HERC6: variants seen among roughly 807,000 people sequenced by gnomAD.
The protein encoded by HERC6 is probable E3 ubiquitin-protein ligase HERC6.
A neutral mutation model predicts 114.5 loss-of-function variants in HERC6; 101 were observed. The observed-to-expected ratio is 0.88, with a 90% CI of 0.75 to 1.04. The LOEUF (loss-of-function observed/expected upper bound fraction) is 1.04. Among genes scored for constraint, HERC6 ranks in the 50% least tolerant of loss-of-function variants. HERC6 has a pLI of 0.00. For missense variants in HERC6, 1,133 were observed against 1,230.9 expected, an observed-to-expected ratio of 0.92 and a Z score of 1.19; for synonymous variants, 408 against 436.2, an observed-to-expected ratio of 0.94 and a Z score of 0.81.
chr4:88,401,232 C>T (rs1456286613), intron 8 of HERC6, among the ~76,000 whole-genome samples: 2 of 152,208 alleles, frequency 1.3e-5, no homozygotes, highest in African/African-American at 4.8e-5. Context: ...TGGTGGCTCA[C>T]GCCTGTAATC....
intron 10 of HERC6, 49 bp from the exon 11 acceptor site, chr4:88,408,475 A>T: frequency 1.7e-6 from 2 of 1,147,674 alleles, no homozygotes; most frequent in Non-Finnish European, 2.6e-6. Context: ...CTTTAGAAAT[A>T]TCCCTTTCCT....
chr4:88,406,186 G>A (rs1251222064), intron 10 of HERC6, among the ~76,000 whole-genome samples: 2 of 152,276 alleles, frequency 1.3e-5, no homozygotes, highest in Non-Finnish European at 1.5e-5. Context: ...AAATAGCAGT[G>A]TAGAGGGTCT....
At chr4:88,438,418 A>AT (rs1738987256) in intron 20 of HERC6, among the ~76,000 whole-genome samples, 1 of 152,104 alleles carries the variant, frequency 6.6e-6, no homozygotes, top group Non-Finnish European at 1.5e-5. Flanking sequence ...AATCATTATT[A>AT]TTTTTAATAG....
intron 3 of HERC6, among the ~76,000 whole-genome samples, chr4:88,387,318 G>A (rs1734634381): frequency 6.6e-6 from 1 of 152,164 alleles, no homozygotes; most frequent in South Asian, 2.1e-4. Context: ...GAGTGCTCGA[G>A]CTCAGGAGTT....
At position 88,379,012 on chromosome 4, in the gene HERC6, G is replaced by A. The variant is rs1364233368; in HGVS notation, c.91G>A (p.Gly31Arg). Residue 31 changes from glycine (G) to arginine (R), a missense_variant, in exon 1 of 23, where the codon GGG (glycine) becomes AGG (arginine). Coordinates refer to ENST00000264346, the MANE Select transcript of HERC6 (RefSeq NM_017912.4). The part of the protein sequence containing the change: ...PGAELLQAAS[G>R]ERHSLLLLTN... ...GGCTGAGCTACTGCAGGCGGCCAGC[G>A]GGGAGCGCCACTCTCTGCTGCTGCT... The A allele has an allele frequency of 1.3e-6, 2 of 1,571,566 alleles. No individual in the cohort carries two copies. Among genetic ancestry groups the A allele is most frequent in the Non-Finnish European group, 1.7e-6 (2 of 1,160,282 alleles).
Position 88,437,788 on chromosome 4 carries a change from T to G in HERC6, c.2555+7T>G. On this transcript the variant is annotated splice_region_variant and intron_variant, in intron 20 of 22. Coordinates refer to ENST00000264346, the MANE Select transcript of HERC6 (RefSeq NM_017912.4). The stretch of plus-strand genomic sequence containing the variant: ...CTGTGGACCAAACCAACAAGTAAGT[T>G]TTGACAGCTAGAATATCTGTTTTGA... The G allele has an allele frequency of 1.9e-6, 3 of 1,572,178 alleles. No individual in the cohort carries two copies. The highest frequency in any genetic ancestry group is 2.6e-6 in the Non-Finnish European group (3 of 1,145,816).
chr4:88,442,162 A>T (rs556628593), intron 22 of HERC6, 72 bp from the exon 23 acceptor site: 1 of 1,070,936 alleles, frequency 9.3e-7, no homozygotes, highest in African/African-American at 1.6e-5. Context: ...GAATGAAGTG[A>T]TTAATTTCTT....
intron 3 of HERC6, among the ~76,000 whole-genome samples, chr4:88,388,549 C>CA (rs76168315): frequency 0.011 from 1,026 of 92,140 alleles, 12 homozygotes; most frequent in Middle Eastern, 0.028. Context: ...AGACTCGTCT[C>CA]AAAAAAAAAA....
intron 3 of HERC6, among the ~76,000 whole-genome samples, chr4:88,386,476 G>T (rs998046887): frequency 6.6e-6 from 1 of 151,992 alleles, no homozygotes; most frequent in Non-Finnish European, 1.5e-5. Flanking sequence ...AAAGTGCTAG[G>T]GTTACAGGCG....
At chr4:88,416,326 C>T (rs1192607088) in intron 12 of HERC6, among the ~76,000 whole-genome samples, 2 of 152,142 alleles carry the variant, frequency 1.3e-5, no homozygotes, top group South Asian at 2.1e-4. Flanking sequence ...ATTCTTCCTT[C>T]TTTGCTCTTT....
At chr4:88,440,760 G>C (rs780416920) in intron 22 of HERC6, 1 of 152,424 alleles carries the variant, frequency 6.6e-6, no homozygotes, top group East Asian at 1.9e-4. Context: ...TCTATTGGTG[G>C]AGCTGCTGGC....
At chr4:88,440,283 T>C (rs1348084310) in intron 22 of HERC6, 33 bp downstream of exon 22, 1 of 1,155,660 alleles carries the variant, frequency 8.7e-7, no homozygotes, top group Non-Finnish European at 1.3e-6. Context: ...GACACATAAT[T>C]ATGTATCTTT....
chr4:88,438,103 G>A (rs1049026244), intron 20 of HERC6, among the ~76,000 whole-genome samples: 4 of 133,536 alleles, frequency 3.0e-5, no homozygotes, highest in Non-Finnish European at 6.1e-5. Flanking sequence ...TCAAGCCTGG[G>A]CAACAGAGTG....
Position 88,379,024 on chromosome 4 carries a change from T to A in HERC6, c.103T>A (p.Ser35Thr), listed in dbSNP as rs1368569153. ...LLQAASGERH[S>T]LLLLTNHRVL... is the part of the protein sequence containing the mutation. ...GCAGGCGGCCAGCGGGGAGCGCCAC[T>A]CTCTGCTGCTGCTGACCAACCACAG... Residue 35 changes from serine (S) to threonine (T), a missense_variant, in exon 1 of 23, where the codon TCT becomes ACT. Coordinates refer to ENST00000264346, the MANE Select transcript of HERC6 (RefSeq NM_017912.4). The A allele has an allele frequency of 6.4e-7, 1 of 1,567,510 alleles. No individual in the cohort carries two copies. Among genetic ancestry groups the A allele is most frequent in the East Asian group, 2.4e-5 (1 of 42,032 alleles).
In HERC6 at chr4:88,423,939, A is replaced by G. The variant is rs1334731184; in HGVS notation, c.1793A>G (p.Asp598Gly). ...TCCAACTTATTAAACTTTTATATAG[A>G]TAGAGGAAGACAGCTCTTTCGGGAT... ...ELSNLLNFYI[D>G]RGRQLFRDNH... The change falls in exon 14 of 23, where the codon GAT becomes GGT. Residue 598 changes from aspartate (D) to glycine (G), a missense_variant. By Grantham distance (94) the Asp-to-Gly change is moderately conservative. Transcript: ENST00000264346. 4 of 1,550,818 alleles carry G rather than the reference A, an allele frequency of 2.6e-6. No homozygotes were observed. Among genetic ancestry groups the G allele is most frequent in the Non-Finnish European group, 3.5e-6 (4 of 1,146,116 alleles).
chr4:88,439,518 T>A (rs1560579799), intron 20 of HERC6, among the ~76,000 whole-genome samples: 1 of 151,942 alleles, frequency 6.6e-6, no homozygotes, highest in Non-Finnish European at 1.5e-5. Flanking sequence ...GAGCTAGGCT[T>A]GGGAAGGCCT....
At chr4:88,429,105 TG>T (rs1252163020) in intron 16 of HERC6, among the ~76,000 whole-genome samples, 1 of 152,172 alleles carries the variant, frequency 6.6e-6, no homozygotes, top group Admixed American at 6.5e-5. Context: ...TCTGAGTTTG[TG>T]TACATGTCTG....
intron 2 of HERC6, among the ~76,000 whole-genome samples, chr4:88,384,338 A>T (rs374281140): frequency 5.3e-5 from 8 of 152,160 alleles, no homozygotes; most frequent in African/African-American, 1.4e-4. Context: ...CAAGCCCCCA[A>T]ATATTGGACC....
chr4:88,430,535 A>G (rs1246566339), intron 16 of HERC6, among the ~76,000 whole-genome samples: 1 of 151,756 alleles, frequency 6.6e-6, no homozygotes, highest in Non-Finnish European at 1.5e-5. Flanking sequence ...GTGCCATTGC[A>G]CTCCAGCCTG....
Sources: allele counts gnomAD v4.1 joint callset (sites outside exome capture counted in the v4.1 genomes callset), GRCh38; gene constraint gnomAD v4.1.1; transcripts MANE v1.5; gene names NCBI Gene and HGNC (gene_info 2026-07-23, HGNC 2026-07-21).